AKAP6: variants seen among roughly 807,000 people sequenced by gnomAD.
The protein encoded by AKAP6 is A-kinase anchoring protein 6.
In AKAP6, 58 loss-of-function variants were observed where a neutral mutation model predicts 188.5. The ratio of observed to expected loss-of-function variants is 0.31; its 90% CI spans 0.25 to 0.38. The LOEUF is 0.38. Ranked by LOEUF, AKAP6 falls within the 10% of genes least tolerant of loss-of-function variation. AKAP6 has a pLI of 1.00. For synonymous variants in AKAP6, 989 were observed against 998.6 expected (o/e 0.99, Z 0.18); for missense variants, 2,710 against 2,740.0 (o/e 0.99, Z 0.24).
At position 32,835,147 on chromosome 14, in the gene AKAP6, G is replaced by A. The variant is rs2034861900; in HGVS notation, c.*5342G>A. ...CAAAACCTAAAACATTTACTATCTG[G>A]ATCATTACAGAAAGTTTTCTGATCC... On this transcript the variant is annotated 3_prime_UTR_variant, in exon 14 of 14. Transcript: ENST00000280979. 6.6e-6 allele frequency: 1 copy of A among 152,102 alleles called. No individual in the cohort carries two copies. Among genetic ancestry groups the A allele is most frequent in the African/African-American group, 2.4e-5 (1 of 41,424 alleles). 9.4% of individuals were successfully genotyped at this position (152,102 alleles called of 1,614,324 possible). A position where few individuals can be genotyped will look rare whatever the true frequency, so the allele number is the denominator to read the frequency against.
intron 1 of AKAP6, among the ~76,000 whole-genome samples, chr14:32,348,417 CTTTT>C (rs71115063): frequency 0.023 from 2,842 of 126,144 alleles, 106 homozygotes; most frequent in African/African-American, 0.077. Context: ...TCTTTTGTTT[CTTTT>C]TTTTTTTTTT....
chr14:32,350,954 T>C (rs1195471271), intron 1 of AKAP6, among the ~76,000 whole-genome samples: 2 of 152,166 alleles, frequency 1.3e-5, no homozygotes, highest in African/African-American at 4.8e-5. Context: ...ATATTTTCTA[T>C]GATGTGTAGG....
chr14:32,338,057 G>A (rs1355103833), intron 1 of AKAP6, among the ~76,000 whole-genome samples: 12 of 151,740 alleles, frequency 7.9e-5, no homozygotes, highest in African/African-American at 2.9e-4. Flanking sequence ...TTTTTTTTGT[G>A]TTTGTTTGGT....
At chr14:32,707,668 C>T (rs1890866689) in intron 9 of AKAP6, among the ~76,000 whole-genome samples, 1 of 152,000 alleles carries the variant, frequency 6.6e-6, no homozygotes, top group South Asian at 2.1e-4. Flanking sequence ...TATGTTGAAA[C>T]ACATATTTTC....
intron 12 of AKAP6, among the ~76,000 whole-genome samples, chr14:32,820,679 G>A (rs1436118583): frequency 6.6e-6 from 1 of 152,088 alleles, no homozygotes; most frequent in Non-Finnish European, 1.5e-5. Context: ...GAAAGAAAGG[G>A]GCTGAGAGAA....
chr14:32,562,290 C>G (rs1883989411), intron 4 of AKAP6, among the ~76,000 whole-genome samples: 1 of 152,042 alleles, frequency 6.6e-6, no homozygotes, highest in Non-Finnish European at 1.5e-5. Flanking sequence ...GTACTACTTG[C>G]TTGAGAAAGG....
intron 2 of AKAP6, among the ~76,000 whole-genome samples, chr14:32,454,793 T>C (rs549424637): frequency 0.013 from 64 of 4,910 alleles, no homozygotes; most frequent in African/African-American, 0.022. Flanking sequence ...CCCTCCCTCC[T>C]TCCCTCCCTC....
chr14:32,521,504 T>G (rs1338577398), intron 2 of AKAP6, among the ~76,000 whole-genome samples: 1 of 152,292 alleles, frequency 6.6e-6, no homozygotes, highest in Non-Finnish European at 1.5e-5. Flanking sequence ...GGATACAAAA[T>G]CAATGTGCAA....
In AKAP6 at chr14:32,724,978, T is replaced by C. The variant is rs547608222; in HGVS notation, c.3001-7476T>C. Among the ~76,000 whole-genome samples, 3 of 76,712 alleles carry C rather than the reference T, an allele frequency of 3.9e-5. No homozygotes were observed. In the East Asian group the frequency reaches 9.0e-4, roughly 23 times the overall value. The allele number at this position is 76,712 out of a possible 152,430, so 50.3% of individuals were successfully genotyped here. On this transcript the variant is annotated intron_variant, in intron 9 of 13. Transcript: ENST00000280979. The stretch of plus-strand genomic sequence containing the variant: ...TCTTGGCATCTTGGCTTTGTGTCAT[T>C]TATATTCAACCTAAAAAAAAAAAAA...
intron 1 of AKAP6, among the ~76,000 whole-genome samples, chr14:32,377,207 A>G (rs912471161): frequency 1.3e-5 from 2 of 152,100 alleles, no homozygotes; most frequent in Admixed American, 6.5e-5. Context: ...ATCTATGCGT[A>G]CCCTTTGAAC....
intron 2 of AKAP6, among the ~76,000 whole-genome samples, chr14:32,472,021 A>T (rs963494760): frequency 1.3e-5 from 2 of 152,118 alleles, no homozygotes; most frequent in Admixed American, 6.5e-5. Context: ...ACTTTTTGTC[A>T]TAGTTTGGGT....
rs2034807917 is a variant in AKAP6 at position 32,830,890 on chromosome 14, C to T, written c.*1085C>T. On this transcript the variant is annotated 3_prime_UTR_variant, in exon 14 of 14. Coordinates refer to ENST00000280979, the MANE Select transcript of AKAP6 (RefSeq NM_004274.5). ...TCTGAAAAAGTATAGCATGTAGCAG[C>T]TTCCAAACATATTCATATTGCTTAA... The T allele has an allele frequency of 6.6e-6, 1 of 152,420 alleles. No individual in the cohort carries two copies. The highest frequency in any genetic ancestry group is 6.5e-5 in the Admixed American group (1 of 15,274). 9.4% of individuals were successfully genotyped at this position (152,420 alleles called of 1,614,324 possible).
At chr14:32,690,068 C>T (rs1890107259) in intron 8 of AKAP6, among the ~76,000 whole-genome samples, 1 of 130,204 alleles carries the variant, frequency 7.7e-6, no homozygotes, top group African/African-American at 3.1e-5. Context: ...TTCTTAAGTG[C>T]CCCAAAATAC....
intron 7 of AKAP6, among the ~76,000 whole-genome samples, chr14:32,675,186 G>T (rs562164624): frequency 2.6e-5 from 4 of 152,126 alleles, no homozygotes; most frequent in Admixed American, 6.5e-5. Flanking sequence ...AAATCCAGCC[G>T]ATTTCTCCCA....
chr14:32,764,170 G>A (rs1210095812), intron 11 of AKAP6, among the ~76,000 whole-genome samples: 3 of 152,066 alleles, frequency 2.0e-5, no homozygotes, highest in Admixed American at 2.0e-4. Context: ...ACTGTCCCCA[G>A]GAATATGAGG....
intron 11 of AKAP6, among the ~76,000 whole-genome samples, chr14:32,768,607 G>A (rs2032789868): frequency 6.6e-6 from 1 of 152,058 alleles, no homozygotes; most frequent in Non-Finnish European, 1.5e-5. Context: ...AACAATTGTG[G>A]TCCCTAGGCT....
At chr14:32,429,496 G>A (rs1890146190) in intron 1 of AKAP6, among the ~76,000 whole-genome samples, 1 of 152,156 alleles carries the variant, frequency 6.6e-6, no homozygotes, top group South Asian at 2.1e-4. Context: ...CAGAAAAAGA[G>A]TATGACCATC....
chr14:32,673,472 T>C (rs1170928346), intron 7 of AKAP6, among the ~76,000 whole-genome samples: 1 of 152,148 alleles, frequency 6.6e-6, no homozygotes, highest in Admixed American at 6.5e-5. Context: ...TGGTGGCTCA[T>C]GCCTGTAATC....
At chr14:32,351,573 A>AC (rs372479977) in intron 1 of AKAP6, among the ~76,000 whole-genome samples, 13,596 of 150,160 alleles carry the variant, frequency 0.091, 744 homozygotes, top group African/African-American at 0.14. Context: ...AAAAAAAAAA[A>AC]AAACAAAAAC....
Sources: gnomAD v4.1 joint callset for allele counts (sites outside exome capture counted in the v4.1 genomes callset) on GRCh38, gnomAD v4.1.1 for gene constraint, MANE v1.5 for transcripts, NCBI Gene and HGNC (gene_info 2026-07-23, HGNC 2026-07-21) for gene names.